OR6C74: variants seen among roughly 807,000 people sequenced by gnomAD.
The protein encoded by OR6C74 is olfactory receptor family 6 subfamily C member 74.
For synonymous variants in OR6C74, 142 were observed against 134.2 expected (o/e 1.06, Z -0.40); for missense variants, 361 against 362.9 (o/e 0.99, Z 0.04).
chr12:55,251,188 C>T lies in OR6C74; in HGVS notation c.*2962C>T, dbSNP rs985302757. 6.6e-6 allele frequency among the ~76,000 whole-genome samples: 1 copy of T among 152,024 alleles called. No homozygotes were observed. The highest frequency in any genetic ancestry group is 1.5e-5 in the Non-Finnish European group (1 of 67,960). On this transcript the variant is annotated 3_prime_UTR_variant, in exon 2 of 2. Transcript: ENST00000343399. ...ATATTGCAAAACTTGTGTGCTGTCACGTATATTGAATGCCTGCCCATTGCC... is the reference window on the plus strand; with the variant it reads ...ATATTGCAAAACTTGTGTGCTGTCATGTATATTGAATGCCTGCCCATTGCC...
rs1174744036 is a variant in OR6C74, at chr12:55,251,080, T to A, written c.*2854T>A. ...AATAATGACAAAATTCCCCAAATAT[T>A]TGCATAACCTGGCCTGTCCAGTTTG... On this transcript the variant is annotated 3_prime_UTR_variant, in exon 2 of 2. Coordinates refer to ENST00000343399, the MANE Select transcript of OR6C74 (RefSeq NM_001005490.2). 1.3e-5 allele frequency among the ~76,000 whole-genome samples: 2 copies of A among 152,118 alleles called. No homozygotes were observed. The highest frequency in any genetic ancestry group is 4.8e-5 in the African/African-American group (2 of 41,454).
rs550787733 is a variant in OR6C74, at chr12:55,245,593, C to A, written c.-10+776C>A. Among the ~76,000 whole-genome samples, 358 of 152,166 alleles carry A rather than the reference C, an allele frequency of 2.4e-3. 1 individual carries two copies. The highest frequency in any genetic ancestry group is 6.5e-3 in the Admixed American group (100 of 15,288). The stretch of plus-strand genomic sequence containing the variant: ...GAAACATATGACTATTTTACTATCA[C>A]CCAGCAAGCATTTTATTGTGGTATT... On this transcript the variant is annotated intron_variant, in intron 1 of 1. Transcript: ENST00000343399.
At position 55,254,017 on chromosome 12, in the gene OR6C74, A is replaced by C. The variant is rs948290881; in HGVS notation, c.*5791A>C. ...AATCTGTTGTTCACTACTAAAGTGC[A>C]TCATGCAATATTGATAACTACTTCG... On this transcript the variant is annotated 3_prime_UTR_variant, in exon 2 of 2. Coordinates refer to ENST00000343399, the MANE Select transcript of OR6C74 (RefSeq NM_001005490.2). 1.3e-5 allele frequency among the ~76,000 whole-genome samples: 2 copies of C among 152,086 alleles called. No homozygotes were observed. The highest frequency in any genetic ancestry group is 4.8e-5 in the African/African-American group (2 of 41,424).
At position 55,248,157 on chromosome 12, in the gene OR6C74, G is replaced by C; in HGVS notation, c.870G>C (p.Leu290=). 1 of 1,613,602 alleles carries C rather than the reference G, an allele frequency of 6.2e-7. No individual in the cohort carries two copies. Among genetic ancestry groups the C allele is most frequent in the Non-Finnish European group, 8.5e-7 (1 of 1,179,780 alleles). ...TGTTGAATCCCTTTATTTATACACT[G>C]AGAAACAAACAAGTAAAAGATGTTT... ...APMLNPFIYT[L]RNKQVKDVFK... is the part of the protein sequence containing the mutation. Residue 290 remains leucine (L), a synonymous_variant, in exon 2 of 2, where the codon CTG becomes CTC. Transcript: ENST00000343399.
Position 55,247,270 on chromosome 12 carries a change from TA to T in OR6C74, c.-9-4del, listed in dbSNP as rs1565647148. On this transcript the variant is annotated splice_region_variant and splice_polypyrimidine_tract_variant and intron_variant, in intron 1 of 1. Coordinates refer to ENST00000343399, the MANE Select transcript of OR6C74 (RefSeq NM_001005490.2). The stretch of plus-strand genomic sequence containing the variant: ...CTGTTCTAATTTTTCTTCTTATTTT[TA>T]AAAATAGAAATCAACTATGAGAAAC... 6.9e-7 allele frequency: 1 copy of T among 1,456,946 alleles called. No individual in the cohort carries two copies. Among genetic ancestry groups the T allele is most frequent in the Non-Finnish European group, 9.4e-7 (1 of 1,067,032 alleles). The allele number at this position is 1,456,946 out of a possible 1,614,324, so 90.3% of individuals were successfully genotyped here.
rs565170301 is a variant in OR6C74, at chr12:55,255,210, G to C, written c.*6984G>C. 6.6e-6 allele frequency among the ~76,000 whole-genome samples: 1 copy of C among 152,148 alleles called. No individual in the cohort carries two copies. The highest frequency in any genetic ancestry group is 2.1e-4 in the South Asian group (1 of 4,818). On this transcript the variant is annotated 3_prime_UTR_variant, in exon 2 of 2. Coordinates refer to ENST00000343399, the MANE Select transcript of OR6C74 (RefSeq NM_001005490.2). ...TTCAGGATTTCACAGTTGTGTTACA[G>C]ACTGATTGTGTCTGCTCTACCCATG...
Position 55,252,760 on chromosome 12 carries a change from T to C in OR6C74, c.*4534T>C, listed in dbSNP as rs182921657. On this transcript the variant is annotated 3_prime_UTR_variant, in exon 2 of 2. Transcript: ENST00000343399. ...TATTACTGATGGAGACCTGTTGTCA[T>C]AGGGAAGGGAAAACTAGGCTATGTC... is the stretch of plus-strand genomic sequence containing the variant. Among the ~76,000 whole-genome samples, 4 of 152,104 alleles carry C rather than the reference T, an allele frequency of 2.6e-5. No individual in the cohort carries two copies. Among genetic ancestry groups the C allele is most frequent in the East Asian group, 3.9e-4 (2 of 5,170 alleles).
Position 55,254,253 on chromosome 12 carries a change from A to C in OR6C74, c.*6027A>C, listed in dbSNP as rs964940613. ...CTTGTGAATATTTTAATATCTTGCC[A>C]AAAGATTTTCCTCTGGGTATTCTCC... is the stretch of plus-strand genomic sequence containing the variant. On this transcript the variant is annotated 3_prime_UTR_variant, in exon 2 of 2. Transcript: ENST00000343399. 6.6e-6 allele frequency among the ~76,000 whole-genome samples: 1 copy of C among 152,090 alleles called. No homozygotes were observed. The highest frequency in any genetic ancestry group is 1.5e-5 in the Non-Finnish European group (1 of 67,970).
rs530110141 is a variant in OR6C74 at position 55,253,268 on chromosome 12, A to T, written c.*5042A>T. Among the ~76,000 whole-genome samples the T allele has an allele frequency of 1.1e-4, 16 of 152,214 alleles. No homozygotes were observed. The highest frequency in any genetic ancestry group is 3.3e-4 in the Admixed American group (5 of 15,272). ...AAAGACAGTTGCAATTGAATTTACT[A>T]CCTAATTTAACTTATGGGTTCATTA... On this transcript the variant is annotated 3_prime_UTR_variant, in exon 2 of 2. Transcript: ENST00000343399.
chr12:55,247,457 T>G lies in OR6C74; in HGVS notation c.170T>G (p.Met57Arg). The change falls in exon 2 of 2, where the codon ATG becomes AGG. Residue 57 changes from methionine to arginine, a missense_variant. Met to Arg is a moderately conservative substitution (Grantham distance 91). Transcript: ENST00000343399. ...TLLDLHLKTP[M>R]YFFLRNFSFL... ...CTGGATTTGCATCTCAAGACACCCA[T>G]GTATTTCTTCCTCCGAAATTTCTCA... 6.2e-7 allele frequency: 1 copy of G among 1,613,994 alleles called. No individual in the cohort carries two copies. The highest frequency in any genetic ancestry group is 1.1e-5 in the South Asian group (1 of 91,060).
rs772386317 is a variant in OR6C74, at chr12:55,247,543, G to A, written c.256G>A (p.Gly86Ser). ...CAAATTTCTTGTTAGTATGGCAACA[G>A]GTGATAAGACCATTTCTTACAACGA... ...IPKFLVSMAT[G>S]DKTISYNDCA... The change falls in exon 2 of 2, where the codon GGT becomes AGT. Residue 86 changes from glycine to serine, a missense_variant. Gly to Ser is a moderately conservative substitution (Grantham distance 56). Transcript: ENST00000343399. 2.5e-6 allele frequency: 4 copies of A among 1,613,394 alleles called. No individual in the cohort carries two copies. In the South Asian group the frequency reaches 3.3e-5, roughly 13 times the overall value.
At position 55,249,815 on chromosome 12, in the gene OR6C74, TA is replaced by T. The variant is rs59930603; in HGVS notation, c.*1591del. ...ACATGTGCACAACGTGCAGGTTTGT[TA>T]ACATATGTATACATGTGCCATGTTG... is the stretch of plus-strand genomic sequence containing the variant. On this transcript the variant is annotated 3_prime_UTR_variant, in exon 2 of 2. Transcript: ENST00000343399. Among the ~76,000 whole-genome samples, 17,667 of 152,016 alleles carry T rather than the reference TA, an allele frequency of 0.12. 2,227 individuals are homozygous for T. The highest frequency in any genetic ancestry group is 0.32 in the African/African-American group (13,210 of 41,410).
At position 55,252,587 on chromosome 12, in the gene OR6C74, C is replaced by T. The variant is rs1359558442; in HGVS notation, c.*4361C>T. ...AATGAGTTTAAATAATTTCCAGTAA[C>T]AAAAATCGTGGAAAGAATTTCAAAC... On this transcript the variant is annotated 3_prime_UTR_variant, in exon 2 of 2. Transcript: ENST00000343399. Among the ~76,000 whole-genome samples, 1 of 151,750 alleles carries T rather than the reference C, an allele frequency of 6.6e-6. No homozygotes were observed. The highest frequency in any genetic ancestry group is 1.5e-5 in the Non-Finnish European group (1 of 67,808).
At position 55,252,833 on chromosome 12, in the gene OR6C74, ATACTT is replaced by A. The variant is rs1954320186; in HGVS notation, c.*4611_*4615del. Among the ~76,000 whole-genome samples, 1 of 152,036 alleles carries A rather than the reference ATACTT, an allele frequency of 6.6e-6. No individual in the cohort carries two copies. Among genetic ancestry groups the A allele is most frequent in the African/African-American group, 2.4e-5 (1 of 41,428 alleles). The stretch of plus-strand genomic sequence containing the variant: ...AATTCTCTTCAATGTGTCTTTTAAA[ATACTT>A]TACATAAGAAATTCTGATTCTGTAT... On this transcript the variant is annotated 3_prime_UTR_variant, in exon 2 of 2. Transcript: ENST00000343399.
Position 55,253,854 on chromosome 12 carries a change from G to A in OR6C74, c.*5628G>A, listed in dbSNP as rs915241772. ...TGGTTCTATGAAAGGATTGAAGTCT[G>A]TAATTGAATAAGGAGCTTTAACTCC... On this transcript the variant is annotated 3_prime_UTR_variant, in exon 2 of 2. Transcript: ENST00000343399. 2.0e-5 allele frequency among the ~76,000 whole-genome samples: 3 copies of A among 152,068 alleles called. No homozygotes were observed. The highest frequency in any genetic ancestry group is 2.9e-5 in the Non-Finnish European group (2 of 67,966).
At position 55,250,561 on chromosome 12, in the gene OR6C74, A is replaced by G. The variant is rs906024169; in HGVS notation, c.*2335A>G. ...ATCATTTTTTACTTAATTTGAAATA[A>G]ATCACTAGCAATCTGATTTATTGTG... On this transcript the variant is annotated 3_prime_UTR_variant, in exon 2 of 2. Transcript: ENST00000343399. Among the ~76,000 whole-genome samples, 1 of 152,108 alleles carries G rather than the reference A, an allele frequency of 6.6e-6. No individual in the cohort carries two copies. The highest frequency in any genetic ancestry group is 2.4e-5 in the African/African-American group (1 of 41,440).
intron 1 of OR6C74, among the ~76,000 whole-genome samples, chr12:55,246,661 T>C (rs536696103): frequency 6.6e-6 from 1 of 152,284 alleles, no homozygotes; most frequent in Admixed American, 6.5e-5. Flanking sequence ...GTGAGTGAGA[T>C]AAATGTAAAT....
chr12:55,248,156 T>G lies in OR6C74; in HGVS notation c.869T>G (p.Leu290Arg). 6.2e-7 allele frequency: 1 copy of G among 1,613,692 alleles called. No individual in the cohort carries two copies. Among genetic ancestry groups the G allele is most frequent in the South Asian group, 1.1e-5 (1 of 91,022 alleles). ...ATGTTGAATCCCTTTATTTATACAC[T>G]GAGAAACAAACAAGTAAAAGATGTT... ...APMLNPFIYT[L>R]RNKQVKDVFK... Residue 290 changes from leucine (L) to arginine (R), a missense_variant, in exon 2 of 2, where the codon CTG becomes CGG. Coordinates refer to ENST00000343399, the MANE Select transcript of OR6C74 (RefSeq NM_001005490.2).
rs1954315647 is a variant in OR6C74 at position 55,252,176 on chromosome 12, A to G, written c.*3950A>G. 6.6e-6 allele frequency among the ~76,000 whole-genome samples: 1 copy of G among 151,724 alleles called. No homozygotes were observed. Among genetic ancestry groups the G allele is most frequent in the South Asian group, 2.1e-4 (1 of 4,828 alleles). ...ATATAACTTTACAGTATAACTTTTA[A>G]TTTTACTTATGGTACAAATATTAGT... is the stretch of plus-strand genomic sequence containing the variant. On this transcript the variant is annotated 3_prime_UTR_variant, in exon 2 of 2. Coordinates refer to ENST00000343399, the MANE Select transcript of OR6C74 (RefSeq NM_001005490.2).
Sources: gnomAD v4.1 joint callset for allele counts (sites outside exome capture counted in the v4.1 genomes callset) on GRCh38, gnomAD v4.1.1 for gene constraint, MANE v1.5 for transcripts, NCBI Gene and HGNC (gene_info 2026-07-23, HGNC 2026-07-21) for gene names.